VCL: variants seen among roughly 807,000 people sequenced by gnomAD.
VCL encodes epididymis luminal protein 114.
In VCL, 47 loss-of-function variants were observed where a neutral mutation model predicts 125.7. That is an observed-to-expected ratio of 0.37 (90% CI 0.30 to 0.48). VCL has a LOEUF of 0.48. Among genes scored for constraint, VCL ranks in the 20% least tolerant of loss-of-function variants. VCL has a pLI of 0.99. For synonymous variants in VCL, 458 were observed against 514.6 expected (o/e 0.89, Z 1.49); for missense variants, 1,069 against 1,455.5 (o/e 0.73, Z 4.32).
intron 19 of VCL, 36 bp from the exon 20 acceptor site, chr10:74,114,148 G>T: frequency 1.2e-6 from 2 of 1,609,872 alleles, no homozygotes; most frequent in Non-Finnish European, 1.7e-6. Context: ...GCCAGAGCGT[G>T]GGCAGAGCTC....
At position 74,071,191 on chromosome 10, in the gene VCL, T is replaced by C; in HGVS notation, c.499+108T>C. 1 of 1,007,636 alleles carries C rather than the reference T, an allele frequency of 9.9e-7. No individual in the cohort carries two copies. The highest frequency in any genetic ancestry group is 1.5e-6 in the Non-Finnish European group (1 of 645,612). The allele number at this position is 1,007,636 out of a possible 1,614,324, so 62.4% of individuals were successfully genotyped here. ...TTGCAGAAGATAGGTGAAGATGCATTGGGCTTTCAGGTGTCTGCTCTGTTG... is the reference window on the plus strand; with the variant it reads ...TTGCAGAAGATAGGTGAAGATGCATCGGGCTTTCAGGTGTCTGCTCTGTTG... On this transcript the variant is annotated intron_variant, in intron 4 of 21. Coordinates refer to ENST00000211998, the MANE Select transcript of VCL (RefSeq NM_014000.3). This position sits in a 1 kb window ranked among gnomAD's most constrained non-coding sequence, Gnocchi z 4.1.
At chr10:74,036,347 C>T (rs1424560409) in intron 1 of VCL, among the ~76,000 whole-genome samples, 1 of 152,084 alleles carries the variant, frequency 6.6e-6, no homozygotes, top group Non-Finnish European at 1.5e-5. Flanking sequence ...GGATTACAGG[C>T]GCCCACCATC....
intron 1 of VCL, among the ~76,000 whole-genome samples, chr10:74,032,835 A>G (rs113534623): frequency 0.043 from 6,562 of 152,150 alleles, 277 homozygotes; most frequent in African/African-American, 0.11. Flanking sequence ...CAAAACCACA[A>G]TGAGATACCG....
chr10:74,060,669 A>G (rs1284826646), intron 2 of VCL, among the ~76,000 whole-genome samples: 1 of 150,716 alleles, frequency 6.6e-6, no homozygotes, highest in East Asian at 1.9e-4. Flanking sequence ...AAAAAAAAAA[A>G]AAAGAAAAAG....
intron 2 of VCL, among the ~76,000 whole-genome samples, chr10:74,062,091 G>A: frequency 6.6e-6 from 1 of 151,592 alleles, no homozygotes; most frequent in East Asian, 1.9e-4. Context: ...TTGAGATGGG[G>A]TCTTACTCTG....
chr10:74,046,073 A>G (rs1054790751), intron 2 of VCL, among the ~76,000 whole-genome samples: 3 of 152,128 alleles, frequency 2.0e-5, no homozygotes, highest in Non-Finnish European at 4.4e-5. Context: ...TTAATTCCAT[A>G]AAATGTCTTC....
chr10:74,101,494 A>G (rs1355766519), intron 14 of VCL, among the ~76,000 whole-genome samples: 1 of 148,380 alleles, frequency 6.7e-6, no homozygotes, highest in African/African-American at 2.5e-5. Flanking sequence ...CACCGTCTTT[A>G]TACATTTTCA....
At chr10:74,073,035 G>A (rs1839514275) in intron 5 of VCL, among the ~76,000 whole-genome samples, 183 bp downstream of exon 5, 1 of 151,766 alleles carries the variant, frequency 6.6e-6, no homozygotes, top group Non-Finnish European at 1.5e-5. Flanking sequence ...CTGCCTCCTG[G>A]GTTCAAGCGA....
At chr10:74,000,701 C>T (rs145716345) in intron 1 of VCL, among the ~76,000 whole-genome samples, 1 of 152,314 alleles carries the variant, frequency 6.6e-6, no homozygotes, top group African/African-American at 2.4e-5. Flanking sequence ...GCATGTGCCA[C>T]TGTGCCCGGC....
chr10:74,096,508 G>A (rs1481625636), intron 12 of VCL, among the ~76,000 whole-genome samples: 1 of 151,994 alleles, frequency 6.6e-6, no homozygotes, highest in East Asian at 1.9e-4. Flanking sequence ...ATTATCTCAG[G>A]TATCACCAGC....
chr10:74,106,202 A>C (rs986454050), intron 16 of VCL, among the ~76,000 whole-genome samples: 3 of 152,198 alleles, frequency 2.0e-5, no homozygotes, highest in African/African-American at 7.2e-5. Flanking sequence ...GATTACAGGC[A>C]TCCAGCCTGT....
chr10:74,095,681 G>A lies in VCL; in HGVS notation c.1569G>A (p.Val523=). The change falls in exon 12 of 22, where the codon GTG becomes GTA. Residue 523 remains valine (V), a synonymous_variant. Coordinates refer to ENST00000211998, the MANE Select transcript of VCL (RefSeq NM_014000.3). The part of the protein sequence containing the change: ...GVGQAAIRGL[V]AEGHRLANVM... The stretch of plus-strand genomic sequence containing the variant: ...GTCAGGCTGCCATCCGGGGGCTTGT[G>A]GCCGAAGGGCATCGTCTGGCTAATG... 1 of 1,614,114 alleles carries A rather than the reference G, an allele frequency of 6.2e-7. No homozygotes were observed. The highest frequency in any genetic ancestry group is 8.5e-7 in the Non-Finnish European group (1 of 1,180,036).
intron 1 of VCL, among the ~76,000 whole-genome samples, chr10:74,012,368 A>C (rs554391633): frequency 6.6e-6 from 1 of 152,324 alleles, no homozygotes; most frequent in South Asian, 2.1e-4. Flanking sequence ...AACTCCAGCT[A>C]TGCACATTGC....
At chr10:74,011,418 C>T (rs1201941551) in intron 1 of VCL, among the ~76,000 whole-genome samples, 1 of 152,082 alleles carries the variant, frequency 6.6e-6, no homozygotes, top group African/African-American at 2.4e-5. Context: ...TTTTCTTCCC[C>T]CTCTCCTCCC....
At position 74,087,339 on chromosome 10, in the gene VCL, C is replaced by CTT. The variant is rs553757805; in HGVS notation, c.1023-1842_1023-1841dup. ...TATTTATTTTTTTTTTTAGGTTTTT[C>CTT]TTTTTTTTTTTTTTTTCTTTTTTTG... On this transcript the variant is annotated intron_variant, in intron 8 of 21. Coordinates refer to ENST00000211998, the MANE Select transcript of VCL (RefSeq NM_014000.3). Among the ~76,000 whole-genome samples, 135 of 120,374 alleles carry CTT rather than the reference C, an allele frequency of 1.1e-3. 1 individual carries two copies. The highest frequency in any genetic ancestry group is 2.2e-3 in the East Asian group (9 of 4,182). 79.0% of individuals were successfully genotyped at this position (120,374 alleles called of 152,430 possible).
chr10:74,023,138 C>G (rs951932184), intron 1 of VCL, among the ~76,000 whole-genome samples: 14 of 152,184 alleles, frequency 9.2e-5, no homozygotes, highest in African/African-American at 3.4e-4. Context: ...TTTGCCTGCA[C>G]TGTCTTTAAT....
At chr10:74,021,888 C>A (rs1301106628) in intron 1 of VCL, among the ~76,000 whole-genome samples, 2 of 151,370 alleles carry the variant, frequency 1.3e-5, no homozygotes, top group South Asian at 2.1e-4. Context: ...CTTTTTTCTT[C>A]TTTTTTTCCT....
intron 1 of VCL, among the ~76,000 whole-genome samples, chr10:74,033,065 A>G (rs368378091): frequency 1.3e-5 from 2 of 152,232 alleles, no homozygotes; most frequent in African/African-American, 4.8e-5. Flanking sequence ...ATGTTCATAC[A>G]AAACCTTGTA....
In VCL at chr10:74,087,242, G is replaced by A. The variant is rs141477959; in HGVS notation, c.1023-1954G>A. On this transcript the variant is annotated intron_variant, in intron 8 of 21. Transcript: ENST00000211998. ...GTGTATATATACCTTTTATATACCCGGCAATAAATGAATGATTCATTACCT... is the reference window on the plus strand; with the variant it reads ...GTGTATATATACCTTTTATATACCCAGCAATAAATGAATGATTCATTACCT... Among the ~76,000 whole-genome samples the A allele has an allele frequency of 3.7e-3, 562 of 151,290 alleles. 3 individuals carry two copies. Among genetic ancestry groups the A allele is most frequent in the African/African-American group, 0.012 (498 of 41,332 alleles).
Sources: gnomAD v4.1 joint callset for allele counts (sites outside exome capture counted in the v4.1 genomes callset) on GRCh38, gnomAD v4.1.1 for gene constraint, Gnocchi (gnomAD v3.1) non-coding constraint, MANE v1.5 for transcripts, NCBI Gene and HGNC (gene_info 2026-07-23, HGNC 2026-07-21) for gene names.